TUSC3: variants seen among roughly 807,000 people sequenced by gnomAD.
The protein encoded by TUSC3 is dolichyl-diphosphooligosaccharide--protein glycosyltransferase subunit TUSC3.
A neutral mutation model predicts 44.8 loss-of-function variants in TUSC3; 45 were observed. The observed-to-expected ratio is 1.00, with a 90% confidence interval of 0.79 to 1.29. The LOEUF (loss-of-function observed/expected upper bound fraction) is 1.29. Among genes scored for constraint, TUSC3 ranks in the 50% most tolerant of loss-of-function variants. The pLI is 0.00. For missense variants in TUSC3, 519 were observed against 437.9 expected (o/e 1.19, Z -1.65); for synonymous variants, 212 against 152.9 (o/e 1.39, Z -2.85).
chr8:15,577,361 G>T (rs1287779908), intron 1 of TUSC3, among the ~76,000 whole-genome samples: 1 of 151,692 alleles, frequency 6.6e-6, no homozygotes, highest in Non-Finnish European at 1.5e-5. Flanking sequence ...CATTGCTTTT[G>T]GTGTTTTGGA....
At chr8:15,456,338 A>T (rs111766515) in intron 1 of TUSC3, among the ~76,000 whole-genome samples, 1 of 152,180 alleles carries the variant, frequency 6.6e-6, no homozygotes, top group Non-Finnish European at 1.5e-5. Flanking sequence ...TTTTACACCA[A>T]TTTGGCCTTT....
chr8:15,655,143 A>T (rs115187844), intron 3 of TUSC3, among the ~76,000 whole-genome samples: 1,571 of 152,222 alleles, frequency 0.01, 28 homozygotes, highest in African/African-American at 0.037. Context: ...GTGGTTGTTA[A>T]ACTGTCTTGC....
chr8:15,418,214 T>C (rs1799684697), intron 1 of TUSC3, among the ~76,000 whole-genome samples: 1 of 152,234 alleles, frequency 6.6e-6, no homozygotes, highest in South Asian at 2.1e-4. Context: ...GTTGGTCAGC[T>C]CCTATAGTAG....
rs375917018 is a variant in TUSC3, at chr8:15,631,499, T to G, written c.308+8250T>G. 1.6e-4 allele frequency among the ~76,000 whole-genome samples: 25 copies of G among 152,312 alleles called. No homozygotes were observed. The East Asian group carries it at 3.7e-3, about 22-fold the overall frequency. ...GTACAGTGGACACCTGTGCTACCCT[T>G]TACCAAAATTCACTAATTAGTAATG... On this transcript the variant is annotated intron_variant, in intron 2 of 10. Coordinates refer to ENST00000503731, the MANE Select transcript of TUSC3 (RefSeq NM_006765.4).
At chr8:15,832,789 C>T in the TUSC3 span, among the ~76,000 whole-genome samples, 1 of 152,070 alleles carries the variant, frequency 6.6e-6, no homozygotes, top group Non-Finnish European at 1.5e-5. Flanking sequence ...AAAGCAAGTT[C>T]TTAGAGACCT....
the TUSC3 span, among the ~76,000 whole-genome samples, chr8:15,786,954 A>C: frequency 6.6e-6 from 1 of 150,978 alleles, no homozygotes; most frequent in Non-Finnish European, 1.5e-5. Flanking sequence ...AAAAAAAAAA[A>C]AAAAAAAAAA....
chr8:15,674,941 G>C (rs1193783077), intron 6 of TUSC3, among the ~76,000 whole-genome samples: 1 of 151,822 alleles, frequency 6.6e-6, no homozygotes, highest in Non-Finnish European at 1.5e-5. Context: ...TTCCCAACAA[G>C]ATCCTTCCTG....
chr8:15,482,758 T>A (rs1456069599), intron 1 of TUSC3, among the ~76,000 whole-genome samples: 1 of 152,090 alleles, frequency 6.6e-6, no homozygotes, highest in Admixed American at 6.6e-5. Context: ...TAATAGCAAA[T>A]CTGTATATAC....
intron 6 of TUSC3, among the ~76,000 whole-genome samples, chr8:15,713,590 G>A (rs963919543): frequency 1.3e-5 from 2 of 152,064 alleles, no homozygotes; most frequent in African/African-American, 4.8e-5. Context: ...ACACATCCGA[G>A]ACCCAGGAGT....
At chr8:15,743,351 A>G (rs369020863) in intron 7 of TUSC3, 187 bp from the exon 8 acceptor site, 3 of 618,554 alleles carry the variant, frequency 4.9e-6, no homozygotes, top group South Asian at 3.9e-5. Context: ...TCAGGTTATA[A>G]ATTTTTAAAG....
chr8:15,432,919 C>T (rs1413045057), intron 1 of TUSC3, among the ~76,000 whole-genome samples: 1 of 152,134 alleles, frequency 6.6e-6, no homozygotes, highest in Non-Finnish European at 1.5e-5. Context: ...AAATCGTTCT[C>T]CTAAGGGCAG....
At chr8:15,681,870 T>C (rs1020414028) in intron 6 of TUSC3, among the ~76,000 whole-genome samples, 1 of 152,286 alleles carries the variant, frequency 6.6e-6, no homozygotes, top group Non-Finnish European at 1.5e-5. Context: ...GTATCTTTGC[T>C]GTCATTTGAT....
chr8:15,481,225 C>A (rs111568964), intron 1 of TUSC3, among the ~76,000 whole-genome samples: 7,819 of 133,720 alleles, frequency 0.058, 250 homozygotes, highest in South Asian at 0.11. Flanking sequence ...ACAACCTGAG[C>A]AGCAAGAGTG....
intron 1 of TUSC3, among the ~76,000 whole-genome samples, chr8:15,467,210 G>C (rs888732505): frequency 6.7e-6 from 1 of 150,214 alleles, no homozygotes; most frequent in East Asian, 2.0e-4. Flanking sequence ...GTGCACTACG[G>C]TGCTATTCTA....
At chr8:15,834,791 A>G in the TUSC3 span, among the ~76,000 whole-genome samples, 1 of 152,164 alleles carries the variant, frequency 6.6e-6, no homozygotes, top group Non-Finnish European at 1.5e-5. Flanking sequence ...GTATGCTACC[A>G]TTTACATAGT....
At chr8:15,677,152 G>A (rs942246325) in intron 6 of TUSC3, among the ~76,000 whole-genome samples, 2 of 151,904 alleles carry the variant, frequency 1.3e-5, no homozygotes, top group Non-Finnish European at 2.9e-5. Flanking sequence ...TAAGTACCTC[G>A]GACACTGTGC....
At chr8:15,493,601 C>T (rs984103917) in intron 2 of TUSC3, among the ~76,000 whole-genome samples, 12 of 150,792 alleles carry the variant, frequency 8.0e-5, no homozygotes, top group African/African-American at 3.0e-4. Context: ...CAAATATTTG[C>T]CAAACATTTG....
intron 1 of TUSC3, among the ~76,000 whole-genome samples, chr8:15,568,349 T>G (rs1353615507): frequency 6.6e-6 from 1 of 152,152 alleles, no homozygotes; most frequent in Non-Finnish European, 1.5e-5. Context: ...TAAAAATTGT[T>G]GCCCTCAGGG....
rs142597551 is a variant in TUSC3 at position 15,761,723 on chromosome 8, G to C, written c.*47-2480G>C. 2.8e-3 allele frequency among the ~76,000 whole-genome samples: 419 copies of C among 152,250 alleles called. 1 individual carries two copies. The highest frequency in any genetic ancestry group is 9.8e-3 in the African/African-American group (409 of 41,568). The stretch of plus-strand genomic sequence containing the variant: ...CTGCTTCTCACTCATTCTGGAAGCA[G>C]ACCGCAAAAGTGAAAAGCACACATC... On this transcript the variant is annotated intron_variant, in intron 10 of 10. Coordinates refer to ENST00000503731, the MANE Select transcript of TUSC3 (RefSeq NM_006765.4).
Sources: allele counts gnomAD v4.1 joint callset (sites outside exome capture counted in the v4.1 genomes callset), GRCh38; gene constraint gnomAD v4.1.1; transcripts MANE v1.5; gene names NCBI Gene and HGNC (gene_info 2026-07-23, HGNC 2026-07-21).